Variants in PCYT1A observed in about 807,000 individuals in gnomAD.
The protein encoded by PCYT1A is phosphate cytidylyltransferase 1A, choline.
Under a neutral mutation model 43.7 loss-of-function variants are expected in PCYT1A, and 25 were observed. That is an observed-to-expected ratio of 0.57 (90% CI 0.42 to 0.80). PCYT1A has a LOEUF of 0.80. Ranked by LOEUF, PCYT1A falls within the 30% of genes least tolerant of loss-of-function variation. The probability of loss-of-function intolerance (pLI) is 0.00; values close to 1 mark genes in which losing one functional copy is unlikely to be tolerated. For missense variants in PCYT1A, 421 were observed against 474.2 expected, an observed-to-expected ratio of 0.89 and a Z score of 1.04; for synonymous variants, 172 against 170.7, an observed-to-expected ratio of 1.01 and a Z score of -0.06.
rs889922837 is a variant in PCYT1A, at chr3:196,242,790, A to G, written c.487-150T>C. 1 of 640,876 alleles carries G rather than the reference A, an allele frequency of 1.6e-6. No homozygotes were observed. The highest frequency in any genetic ancestry group is 2.8e-6 in the Non-Finnish European group (1 of 351,870). The allele number at this position is 640,876 out of a possible 1,614,324, so 39.7% of individuals were successfully genotyped here. ...CTTTGCTTTGCTCATAAATTCTACAATCTATTCACAAACCACCCAACCTAA... is the reference window on the plus strand; with the variant it reads ...CTTTGCTTTGCTCATAAATTCTACAGTCTATTCACAAACCACCCAACCTAA... On this transcript the variant is annotated intron_variant, in intron 5 of 8. Coordinates refer to ENST00000431016, the MANE Select transcript of PCYT1A (RefSeq NM_001312673.2). The surrounding 1 kb of genome is among the most constrained non-coding windows in gnomAD (Gnocchi z 4.2).
At chr3:196,240,644 T>C (rs1451698318) in intron 7 of PCYT1A, 3 of 152,174 alleles carry the variant, frequency 2.0e-5, no homozygotes, top group South Asian at 2.1e-4. Flanking sequence ...TAAGCCAAGA[T>C]TGCGCCACTG....
chr3:196,283,003 A>C (rs1010582702), intron 1 of PCYT1A, among the ~76,000 whole-genome samples: 2 of 152,136 alleles, frequency 1.3e-5, no homozygotes, highest in Non-Finnish European at 2.9e-5. Context: ...AAAGCCTCAA[A>C]CTAATATAAC....
chr3:196,279,480 G>A (rs142283132), intron 1 of PCYT1A, among the ~76,000 whole-genome samples: 2 of 152,174 alleles, frequency 1.3e-5, no homozygotes, highest in East Asian at 3.9e-4. Flanking sequence ...TGTCTCCAAA[G>A]TGCCCTCGAA....
At position 196,287,603 on chromosome 3, in the gene PCYT1A, A is replaced by G. The variant is rs1725950862; in HGVS notation, c.-11+12T>C. ...TGTCCTCTCAAACAGAGACGCAAAG[A>G]TAGGCACACACCTGCAACTCACGCT... On this transcript the variant is annotated intron_variant, in intron 1 of 8. Transcript: ENST00000431016. 6.6e-6 allele frequency: 1 copy of G among 152,330 alleles called. No individual in the cohort carries two copies. The highest frequency in any genetic ancestry group is 6.5e-5 in the Admixed American group (1 of 15,268). 9.4% of individuals were successfully genotyped at this position (152,330 alleles called of 1,614,324 possible).
chr3:196,245,705 T>C (rs1724542625), intron 5 of PCYT1A, among the ~76,000 whole-genome samples: 1 of 151,662 alleles, frequency 6.6e-6, no homozygotes, highest in Non-Finnish European at 1.5e-5. Context: ...GGCAGCAAAG[T>C]AAAGAATAGG....
intron 5 of PCYT1A, among the ~76,000 whole-genome samples, chr3:196,246,381 C>T (rs1724570324): frequency 6.6e-6 from 1 of 151,888 alleles, no homozygotes; most frequent in Non-Finnish European, 1.5e-5. Context: ...TTGTACCCAC[C>T]TTTTGCAGGA....
chr3:196,245,876 G>A (rs957657602), intron 5 of PCYT1A, among the ~76,000 whole-genome samples: 31 of 151,826 alleles, frequency 2.0e-4, no homozygotes, highest in Non-Finnish European at 3.5e-4. Flanking sequence ...ACTTGAACCC[G>A]GGAGGCGGAG....
In PCYT1A at chr3:196,234,749, A is replaced by T. The variant is rs1577349925; in HGVS notation, c.*3939T>A. The T allele has an allele frequency of 6.6e-6, 1 of 152,342 alleles. No individual in the cohort carries two copies. The highest frequency in any genetic ancestry group is 1.9e-4 in the East Asian group (1 of 5,186). The allele number at this position is 152,342 out of a possible 1,614,324, so 9.4% of individuals were successfully genotyped here. On this transcript the variant is annotated 3_prime_UTR_variant, in exon 9 of 9. Coordinates refer to ENST00000431016, the MANE Select transcript of PCYT1A (RefSeq NM_001312673.2). ...CTAACATAAAATCTTGGCAGACAAC[A>T]ATCTTTCTTCTTCAAGAAAATTAAC...
At chr3:196,244,120 G>A (rs192453023) in intron 5 of PCYT1A, among the ~76,000 whole-genome samples, 3,694 of 150,206 alleles carry the variant, frequency 0.025, 118 homozygotes, top group African/African-American at 0.085. Context: ...CATCTGGGAT[G>A]TGAGGAGCGC....
rs879520195 is a variant in PCYT1A, at chr3:196,268,731, G to A, written c.117+1684C>T. ...AATCACTTGAACCCAAGAGGCAGAC[G>A]TTGCAGTGAACCGGGACCGCACCAC... On this transcript the variant is annotated intron_variant, in intron 2 of 8. Transcript: ENST00000431016. This position sits in a 1 kb window ranked among gnomAD's most constrained non-coding sequence, Gnocchi z 4.4. Among the ~76,000 whole-genome samples, 1 of 152,158 alleles carries A rather than the reference G, an allele frequency of 6.6e-6. No individual in the cohort carries two copies. Among genetic ancestry groups the A allele is most frequent in the Admixed American group, 6.5e-5 (1 of 15,270 alleles).
At chr3:196,274,984 T>A (rs530777523) in intron 1 of PCYT1A, among the ~76,000 whole-genome samples, 1 of 152,348 alleles carries the variant, frequency 6.6e-6, no homozygotes, top group South Asian at 2.1e-4. Flanking sequence ...GATTCCTTCA[T>A]AATATTCAGA....
intron 1 of PCYT1A, among the ~76,000 whole-genome samples, chr3:196,278,159 C>T (rs758746743): frequency 5.9e-5 from 9 of 152,178 alleles, no homozygotes; most frequent in Non-Finnish European, 1.2e-4. Flanking sequence ...ACAGTAAATA[C>T]ATCCTAACAT....
chr3:196,244,834 G>A (rs951084032), intron 5 of PCYT1A, among the ~76,000 whole-genome samples: 1 of 151,994 alleles, frequency 6.6e-6, no homozygotes, highest in Non-Finnish European at 1.5e-5. Flanking sequence ...GTCCACTCAG[G>A]GTTAAATGGA....
In PCYT1A at chr3:196,252,500, C is replaced by T. The variant is rs907973745; in HGVS notation, c.218-4177G>A. On this transcript the variant is annotated intron_variant, in intron 3 of 8. Coordinates refer to ENST00000431016, the MANE Select transcript of PCYT1A (RefSeq NM_001312673.2). This position sits in a 1 kb window ranked among gnomAD's most constrained non-coding sequence, Gnocchi z 4.0. ...AAGTGATCTGCCCGCCTTGGCCTCCCGAAGTTCTGGGATTACGGGCGTGAG... is the reference window on the plus strand; with the variant it reads ...AAGTGATCTGCCCGCCTTGGCCTCCTGAAGTTCTGGGATTACGGGCGTGAG... Among the ~76,000 whole-genome samples the T allele has an allele frequency of 9.2e-5, 14 of 152,108 alleles. No homozygotes were observed. The highest frequency in any genetic ancestry group is 1.6e-4 in the Non-Finnish European group (11 of 68,028).
intron 5 of PCYT1A, among the ~76,000 whole-genome samples, chr3:196,244,335 C>T (rs1217796168): frequency 1.6e-5 from 2 of 125,806 alleles, no homozygotes; most frequent in African/African-American, 6.7e-5. Flanking sequence ...GCCTCCTCCC[C>T]GCCGCCATCC....
rs981235942 is a variant in PCYT1A, at chr3:196,277,742, G to T, written c.-10-7201C>A. 2.0e-5 allele frequency among the ~76,000 whole-genome samples: 3 copies of T among 152,128 alleles called. No individual in the cohort carries two copies. The highest frequency in any genetic ancestry group is 2.9e-5 in the Non-Finnish European group (2 of 68,026). The stretch of plus-strand genomic sequence containing the variant: ...AAAAATTAGCTGAGCGTGGTGGCAT[G>T]CACCTGTAATCCCAGCTACTTGGGA... On this transcript the variant is annotated intron_variant, in intron 1 of 8. Coordinates refer to ENST00000431016, the MANE Select transcript of PCYT1A (RefSeq NM_001312673.2). The surrounding 1 kb of genome is among the most constrained non-coding windows in gnomAD (Gnocchi z 4.1).
At position 196,234,551 on chromosome 3, in the gene PCYT1A, T is replaced by A. The variant is rs1724113327; in HGVS notation, c.*4137A>T. The A allele has an allele frequency of 6.6e-6, 1 of 152,212 alleles. No individual in the cohort carries two copies. Among genetic ancestry groups the A allele is most frequent in the East Asian group, 1.9e-4 (1 of 5,198 alleles). 9.4% of individuals were successfully genotyped at this position (152,212 alleles called of 1,614,324 possible). A position where few individuals can be genotyped will look rare whatever the true frequency, so the allele number is the denominator to read the frequency against. ...CCAGCAGTCCTTTCCAAGACTCTTTTGTCTTTTAGGGATCCTCAATACAAA... is the reference window on the plus strand; with the variant it reads ...CCAGCAGTCCTTTCCAAGACTCTTTAGTCTTTTAGGGATCCTCAATACAAA... On this transcript the variant is annotated 3_prime_UTR_variant, in exon 9 of 9. Transcript: ENST00000431016.
chr3:196,264,812 T>C (rs1419016688), intron 2 of PCYT1A, among the ~76,000 whole-genome samples: 1 of 152,232 alleles, frequency 6.6e-6, no homozygotes, highest in Non-Finnish European at 1.5e-5. Context: ...AATTATTTGC[T>C]GCTGTTTCTT....
Position 196,241,936 on chromosome 3 carries a change from G to A in PCYT1A, c.708+12C>T. On this transcript the variant is annotated intron_variant, in intron 7 of 8. Transcript: ENST00000431016. The stretch of plus-strand genomic sequence containing the variant: ...CAGAGTCAGGGAACTCTGGGGTAAG[G>A]CTGGAACTCACGTTGATAAAGCTGA... 2 of 1,614,084 alleles carry A rather than the reference G, an allele frequency of 1.2e-6. No individual in the cohort carries two copies. The highest frequency in any genetic ancestry group is 1.7e-6 in the Non-Finnish European group (2 of 1,179,920).
Sources: allele counts gnomAD v4.1 joint callset (sites outside exome capture counted in the v4.1 genomes callset), GRCh38; gene constraint gnomAD v4.1.1; non-coding constraint Gnocchi (gnomAD v3.1); transcripts MANE v1.5; gene names NCBI Gene and HGNC (gene_info 2026-07-23, HGNC 2026-07-21).